The following TAOK3 variants were observed in gnomAD, a reference collection of about 807,000 sequenced individuals.
The protein encoded by TAOK3 is TAO kinase 3, also known as serine/threonine-protein kinase TAO3.
A neutral mutation model predicts 120.4 loss-of-function variants in TAOK3; 40 were observed. The observed-to-expected ratio is 0.33, with a 90% CI of 0.26 to 0.43. The LOEUF is 0.43. Among genes scored for constraint, TAOK3 ranks in the 20% least tolerant of loss-of-function variants. The pLI, the probability that TAOK3 is intolerant of heterozygous loss-of-function variation, is 1.00. For missense variants in TAOK3, 821 were observed against 1,112.1 expected, an observed-to-expected ratio of 0.74 and a Z score of 3.72; for synonymous variants, 355 against 387.5, an observed-to-expected ratio of 0.92 and a Z score of 0.99.
chr12:118,312,671 T>A (rs1212184860), intron 1 of TAOK3, among the ~76,000 whole-genome samples: 4 of 152,200 alleles, frequency 2.6e-5, no homozygotes, highest in Non-Finnish European at 5.9e-5. Context: ...AAAGCAAAGC[T>A]AAAGGAAATT....
chr12:118,247,243 G>A (rs527883346), intron 3 of TAOK3, among the ~76,000 whole-genome samples: 16 of 152,192 alleles, frequency 1.1e-4, no homozygotes, highest in Admixed American at 2.0e-4. Flanking sequence ...TCCTAAGGGG[G>A]ACTTTGGTTT....
rs756808682 is a variant in TAOK3 at position 118,198,386 on chromosome 12, C to CTTTTTTTTTTTTTTTTT, written c.1194+664_1194+665insAAAAAAAAAAAAAAAAA. On this transcript the variant is annotated intron_variant, in intron 13 of 20. Coordinates refer to ENST00000392533, the MANE Select transcript of TAOK3 (RefSeq NM_016281.4). ...GAGGCAAGTTTCTTTCTTTCTTCTTCTTCTTTTTTTTTTTTTTTTTTTTTG... is the reference window on the plus strand; with the variant it reads ...GAGGCAAGTTTCTTTCTTTCTTCTTCTTTTTTTTTTTTTTTTTTTCTTTTTTTTTTTTTTTTTTTTTG... 2.5e-5 allele frequency: 3 copies of CTTTTTTTTTTTTTTTTT among 121,284 alleles called. 1 individual carries two copies. The highest frequency in any genetic ancestry group is 3.2e-5 in the African/African-American group (1 of 31,070). 7.5% of individuals were successfully genotyped at this position (121,284 alleles called of 1,614,324 possible).
chr12:118,167,717 AAT>A (rs2035696225), intron 17 of TAOK3, among the ~76,000 whole-genome samples: 1 of 149,688 alleles, frequency 6.7e-6, no homozygotes, highest in South Asian at 2.1e-4. Context: ...CCTTATCTGG[AAT>A]CAGAGAGAGT....
chr12:118,153,714 T>C (rs1052202697), intron 19 of TAOK3, among the ~76,000 whole-genome samples: 6 of 152,240 alleles, frequency 3.9e-5, no homozygotes, highest in African/African-American at 7.2e-5. Flanking sequence ...CCTGAGCTTA[T>C]CTGTGTTTCC....
At chr12:118,293,258 T>C (rs1248821890) in intron 1 of TAOK3, among the ~76,000 whole-genome samples, 5 of 152,254 alleles carry the variant, frequency 3.3e-5, no homozygotes, top group African/African-American at 1.2e-4. Context: ...TTGGGATGCC[T>C]CTATGTTCTT....
At chr12:118,321,637 A>G (rs1197687227) in intron 1 of TAOK3, among the ~76,000 whole-genome samples, 1 of 152,202 alleles carries the variant, frequency 6.6e-6, no homozygotes, top group African/African-American at 2.4e-5. Flanking sequence ...TGCTTCAGCA[A>G]TCCAGTTAGA....
At chr12:118,294,385 C>CT (rs879325089) in intron 1 of TAOK3, among the ~76,000 whole-genome samples, 73 of 148,522 alleles carry the variant, frequency 4.9e-4, no homozygotes, top group Middle Eastern at 3.5e-3. Flanking sequence ...CTTTTCTTTT[C>CT]TTTTTTTTTT....
chr12:118,308,625 C>T (rs186993489), intron 1 of TAOK3, among the ~76,000 whole-genome samples: 5 of 151,964 alleles, frequency 3.3e-5, no homozygotes, highest in South Asian at 2.1e-4. Flanking sequence ...AGAATGTAGA[C>T]GGTGTAGAAA....
chr12:118,350,606 CCCAGCACTTT>C (rs1320136572), intron 1 of TAOK3, among the ~76,000 whole-genome samples: 1 of 152,116 alleles, frequency 6.6e-6, no homozygotes, highest in Non-Finnish European at 1.5e-5. Flanking sequence ...CGCCTGTAAT[CCCAGCACTTT>C]GGGAGGCTGA....
intron 9 of TAOK3, among the ~76,000 whole-genome samples, chr12:118,217,266 G>A (rs1477652633): frequency 1.3e-5 from 2 of 152,194 alleles, no homozygotes; most frequent in Non-Finnish European, 2.9e-5. Context: ...GAATGGACAA[G>A]GTTGAAAAGT....
intron 9 of TAOK3, among the ~76,000 whole-genome samples, chr12:118,218,528 A>G (rs2039056046): frequency 6.6e-6 from 1 of 152,180 alleles, no homozygotes; most frequent in African/African-American, 2.4e-5. Context: ...TGTAATGTAA[A>G]TGTTATGTAA....
At chr12:118,203,224 G>A (rs186586079) in intron 11 of TAOK3, among the ~76,000 whole-genome samples, 162 of 152,028 alleles carry the variant, frequency 1.1e-3, no homozygotes, top group African/African-American at 3.8e-3. Flanking sequence ...AATTTATCCA[G>A]AGGTCAAAAT....
rs191878113 is a variant in TAOK3, at chr12:118,293,583, A to T, written c.-193-26824T>A. The stretch of plus-strand genomic sequence containing the variant: ...CTAGCTACCAGGAGGCTGAGGCAGG[A>T]GAATCCCTTGAACCCGGGAGGCAGA... On this transcript the variant is annotated intron_variant, in intron 1 of 20. Coordinates refer to ENST00000392533, the MANE Select transcript of TAOK3 (RefSeq NM_016281.4). Among the ~76,000 whole-genome samples the T allele has an allele frequency of 4.6e-5, 7 of 151,970 alleles. No homozygotes were observed. The East Asian group carries it at 1.4e-3, about 29-fold the overall frequency.
intron 1 of TAOK3, among the ~76,000 whole-genome samples, chr12:118,273,229 G>A (rs1484486595): frequency 3.3e-5 from 5 of 152,216 alleles, no homozygotes; most frequent in South Asian, 4.1e-4. Context: ...TAGGGCCAGC[G>A]CGGTGGCTCA....
At chr12:118,174,378 T>TC (rs1170037508) in intron 16 of TAOK3, among the ~76,000 whole-genome samples, 2 of 147,470 alleles carry the variant, frequency 1.4e-5, no homozygotes, top group Admixed American at 6.8e-5. Context: ...GCTTCTGGCT[T>TC]TTTTTTTTTT....
chr12:118,258,279 A>G (rs1238169314), intron 2 of TAOK3, among the ~76,000 whole-genome samples: 1 of 152,174 alleles, frequency 6.6e-6, no homozygotes, highest in Non-Finnish European at 1.5e-5. Context: ...CTCCGCCAAC[A>G]ATGCACCTAT....
Position 118,354,604 on chromosome 12 carries a change from C to T in TAOK3, c.-194+18044G>A, listed in dbSNP as rs565768807. Among the ~76,000 whole-genome samples, 4 of 152,130 alleles carry T rather than the reference C, an allele frequency of 2.6e-5. No individual in the cohort carries two copies. In the East Asian group the frequency reaches 5.8e-4, roughly 22 times the overall value. Reference sequence around the variant, plus strand: ...CCAAATCTCATCTTGAATTGTAGCTCCCACAATTCCCAAGCATTGTGGGAG... The same window carrying T: ...CCAAATCTCATCTTGAATTGTAGCTTCCACAATTCCCAAGCATTGTGGGAG... On this transcript the variant is annotated intron_variant, in intron 1 of 20. Coordinates refer to ENST00000392533, the MANE Select transcript of TAOK3 (RefSeq NM_016281.4).
At chr12:118,302,659 T>G (rs1405362390) in intron 1 of TAOK3, among the ~76,000 whole-genome samples, 1 of 152,170 alleles carries the variant, frequency 6.6e-6, no homozygotes, top group Non-Finnish European at 1.5e-5. Flanking sequence ...AAAAAAATCT[T>G]CTGCACATAT....
At chr12:118,178,788 C>A (rs1366186755) in intron 15 of TAOK3, among the ~76,000 whole-genome samples, 1 of 152,198 alleles carries the variant, frequency 6.6e-6, no homozygotes, top group African/African-American at 2.4e-5. Context: ...AACAGTCACA[C>A]ATCATGACAT....
Sources: gnomAD v4.1 joint callset for allele counts (sites outside exome capture counted in the v4.1 genomes callset) on GRCh38, gnomAD v4.1.1 for gene constraint, MANE v1.5 for transcripts, NCBI Gene and HGNC (gene_info 2026-07-23, HGNC 2026-07-21) for gene names.